Variants in NEO1 observed in about 807,000 individuals in gnomAD.
NEO1 encodes the protein neogenin.
A neutral mutation model predicts 159.7 loss-of-function variants in NEO1; 63 were observed. The ratio of observed to expected loss-of-function variants is 0.39; its 90% confidence interval spans 0.32 to 0.49. NEO1 has a LOEUF of 0.49. NEO1 is among the 20% of genes least tolerant of loss of function. The pLI is 0.85. For missense variants in NEO1, 1,615 were observed against 1,831.0 expected, an observed-to-expected ratio of 0.88 and a Z score of 2.15; for synonymous variants, 633 against 662.0, an observed-to-expected ratio of 0.96 and a Z score of 0.67.
intron 7 of NEO1, among the ~76,000 whole-genome samples, chr15:73,186,040 G>C (rs1019371392): frequency 2.0e-5 from 3 of 151,908 alleles, no homozygotes; most frequent in Non-Finnish European, 2.9e-5. Flanking sequence ...AAATATGCCT[G>C]TACACATCAT....
chr15:73,273,570 G>GAC (rs1225615933), intron 19 of NEO1, among the ~76,000 whole-genome samples: 2 of 152,158 alleles, frequency 1.3e-5, no homozygotes, highest in Non-Finnish European at 2.9e-5. Flanking sequence ...AGTATCAGGT[G>GAC]ACAGTTCACT....
intron 1 of NEO1, among the ~76,000 whole-genome samples, chr15:73,082,280 G>T (rs1276161110): frequency 6.6e-6 from 1 of 151,990 alleles, no homozygotes; most frequent in African/African-American, 2.4e-5. Flanking sequence ...CCTCCCCTAA[G>T]TTTTTTTCAC....
chr15:73,192,117 A>G (rs1044045139), intron 7 of NEO1, among the ~76,000 whole-genome samples: 10 of 151,976 alleles, frequency 6.6e-5, no homozygotes. Flanking sequence ...TAAAAGTACT[A>G]CTCTGATAAA....
At chr15:73,253,761 C>G (rs920891001) in intron 12 of NEO1, among the ~76,000 whole-genome samples, 1 of 152,166 alleles carries the variant, frequency 6.6e-6, no homozygotes, top group African/African-American at 2.4e-5. Flanking sequence ...TTAAATTGCT[C>G]TTTTTCTGTA....
chr15:73,238,888 AC>A (rs1402674436), intron 8 of NEO1, among the ~76,000 whole-genome samples: 1 of 152,030 alleles, frequency 6.6e-6, no homozygotes, highest in Non-Finnish European at 1.5e-5. Flanking sequence ...TCGCTGGGTC[AC>A]CCAGGCTGGA....
intron 22 of NEO1, among the ~76,000 whole-genome samples, chr15:73,279,749 G>GAGGTGCCGTCTAACCCGGATCTTCAA (rs1211742208): frequency 2.0e-5 from 3 of 152,182 alleles, no homozygotes; most frequent in Non-Finnish European, 4.4e-5. Context: ...CTTCCTAGAA[G>GAGGTGCCGTCTAACCCGGATCTTCAA]AGGTGCCGTC....
intron 7 of NEO1, among the ~76,000 whole-genome samples, chr15:73,217,665 C>T (rs2037977005): frequency 6.6e-6 from 1 of 151,976 alleles, no homozygotes; most frequent in Non-Finnish European, 1.5e-5. Context: ...AAGTTGGATT[C>T]CTAAGTATTT....
intron 21 of NEO1, among the ~76,000 whole-genome samples, chr15:73,276,143 A>G (rs1240263503): frequency 6.6e-6 from 1 of 152,224 alleles, no homozygotes; most frequent in Non-Finnish European, 1.5e-5. Context: ...TTCCATAGCC[A>G]GAGTGCAATT....
In NEO1 at chr15:73,257,132, C is replaced by CAAAAAAAAAAAAAAAAAAAAAA. The variant is rs10623334; in HGVS notation, c.2093-1613_2093-1612insAAAAAAAAAAAAAAAAAAAAAA. Among the ~76,000 whole-genome samples the CAAAAAAAAAAAAAAAAAAAAAA allele has an allele frequency of 3.8e-4, 21 of 54,774 alleles. 2 individuals are homozygous for CAAAAAAAAAAAAAAAAAAAAAA. The highest frequency in any genetic ancestry group is 1.0e-3 in the East Asian group (1 of 976). The allele number at this position is 54,774 out of a possible 152,430, so 35.9% of individuals were successfully genotyped here. A position where few individuals can be genotyped will look rare whatever the true frequency, so the allele number is the denominator to read the frequency against. On this transcript the variant is annotated intron_variant, in intron 13 of 28. Transcript: ENST00000261908. ...GGGCAACAGAGAGAGACTCTGTCTC[C>CAAAAAAAAAAAAAAAAAAAAAA]AAAAAAAAAAAAAAAAAAAAAGTTT...
At chr15:73,213,912 C>G (rs557558568) in intron 7 of NEO1, among the ~76,000 whole-genome samples, 1 of 152,120 alleles carries the variant, frequency 6.6e-6, no homozygotes, top group African/African-American at 2.4e-5. Context: ...CCCTGTTCAC[C>G]GCATCCATGA....
chr15:73,270,459 G>A lies in NEO1; in HGVS notation c.2857+5G>A. 6.2e-7 allele frequency: 1 copy of A among 1,606,656 alleles called. No individual in the cohort carries two copies. Among genetic ancestry groups the A allele is most frequent in the Non-Finnish European group, 8.5e-7 (1 of 1,177,564 alleles). The stretch of plus-strand genomic sequence containing the variant: ...ATGGGACCACCTTTGAATTAGGTAT[G>A]TGTTGTCAGAAGCCATGTCACATGG... On this transcript the variant is annotated splice_donor_5th_base_variant and intron_variant, in intron 18 of 28. Coordinates refer to ENST00000261908, the MANE Select transcript of NEO1 (RefSeq NM_002499.4).
At chr15:73,237,687 G>A (rs903632173) in intron 8 of NEO1, among the ~76,000 whole-genome samples, 1 of 152,142 alleles carries the variant, frequency 6.6e-6, no homozygotes, top group Non-Finnish European at 1.5e-5. Flanking sequence ...GCTATACTGT[G>A]TGTTTTGAGT....
At chr15:73,278,220 T>G (rs1408821893) in intron 22 of NEO1, 21 bp downstream of exon 22, 3 of 1,606,088 alleles carry the variant, frequency 1.9e-6, no homozygotes, top group African/African-American at 2.7e-5. Context: ...TCCCATGGCG[T>G]TTTTTGCTTA....
At chr15:73,176,352 G>T (rs138801455) in intron 5 of NEO1, 51 bp from the exon 6 acceptor site, 1 of 1,204,632 alleles carries the variant, frequency 8.3e-7, no homozygotes. Flanking sequence ...AATATGAATA[G>T]CTGCCTAGTT....
At chr15:73,155,990 T>C (rs11630572) in intron 5 of NEO1, among the ~76,000 whole-genome samples, 11,975 of 152,300 alleles carry the variant, frequency 0.079, 559 homozygotes, top group Non-Finnish European at 0.097. Context: ...GGAGAATTAT[T>C]GTGTTCCTTT....
intron 7 of NEO1, among the ~76,000 whole-genome samples, chr15:73,227,412 C>A (rs2038650050): frequency 6.6e-6 from 1 of 152,132 alleles, no homozygotes; most frequent in Non-Finnish European, 1.5e-5. Flanking sequence ...AGGAGAATTG[C>A]TTGAACCCAG....
rs554404639 is a variant in NEO1, at chr15:73,248,490, C to T, written c.1607-570C>T. Among the ~76,000 whole-genome samples the T allele has an allele frequency of 3.9e-5, 6 of 152,176 alleles. No homozygotes were observed. In the South Asian group the frequency reaches 8.3e-4, roughly 21 times the overall value. On this transcript the variant is annotated intron_variant, in intron 9 of 28. Transcript: ENST00000261908. The stretch of plus-strand genomic sequence containing the variant: ...ATATTCTCCCTATTGACCCCATTGA[C>T]TGGAATGATTTTCCCCTTGGTATCT...
chr15:73,216,954 T>C (rs2037926768), intron 7 of NEO1, among the ~76,000 whole-genome samples: 2 of 151,494 alleles, frequency 1.3e-5, no homozygotes, highest in South Asian at 4.1e-4. Flanking sequence ...TTTGTCAATT[T>C]TGGCTTTTGT....
At chr15:73,301,665 T>C in intron 28 of NEO1, 1 of 619,074 alleles carries the variant, frequency 1.6e-6, no homozygotes, top group Non-Finnish European at 2.7e-6. Context: ...TTCTTTCCCA[T>C]ATCCACTCTT....
Sources: allele counts gnomAD v4.1 joint callset (sites outside exome capture counted in the v4.1 genomes callset), GRCh38; gene constraint gnomAD v4.1.1; transcripts MANE v1.5; gene names NCBI Gene and HGNC (gene_info 2026-07-23, HGNC 2026-07-21).